Variants in AKAP19 observed in about 807,000 individuals in gnomAD.
AKAP19 encodes the protein small A-kinase anchoring protein.
At chr2:190,143,886 T>C in the AKAP19 span, among the ~76,000 whole-genome samples, 1 of 147,998 alleles carries the variant, frequency 6.8e-6, no homozygotes, top group Non-Finnish European at 1.5e-5. Context: ...ATGGATGAAA[T>C]TGGAAATCAT....
the AKAP19 span, among the ~76,000 whole-genome samples, chr2:190,023,340 A>G: frequency 6.6e-6 from 1 of 152,160 alleles, no homozygotes. Flanking sequence ...TAGGAGAAGC[A>G]TAGTACATCT....
the AKAP19 span, among the ~76,000 whole-genome samples, chr2:190,118,328 A>G: frequency 1.3e-5 from 2 of 152,202 alleles, no homozygotes; most frequent in Admixed American, 6.5e-5. Context: ...AACTATTCCA[A>G]TCAATAGAAA....
At chr2:189,926,825 C>T in the AKAP19 span, among the ~76,000 whole-genome samples, 16 of 151,886 alleles carry the variant, frequency 1.1e-4, no homozygotes, top group Admixed American at 1.1e-3. Flanking sequence ...CCTCATGATG[C>T]GCCCGTCTTG....
At chr2:190,064,916 C>T in the AKAP19 span, among the ~76,000 whole-genome samples, 1 of 152,136 alleles carries the variant, frequency 6.6e-6, no homozygotes, top group African/African-American at 2.4e-5. Context: ...TTTCTGTATT[C>T]ACAAATTTGC....
chr2:190,067,442 A>G, the AKAP19 span, among the ~76,000 whole-genome samples: 1 of 152,148 alleles, frequency 6.6e-6, no homozygotes, highest in African/African-American at 2.4e-5. Context: ...CCCTCCTCCC[A>G]ATACCTGTAG....
chr2:189,916,532 G>A, the AKAP19 span, among the ~76,000 whole-genome samples: 1 of 151,878 alleles, frequency 6.6e-6, no homozygotes, highest in Non-Finnish European at 1.5e-5. Flanking sequence ...ATGTTGGCCA[G>A]GCTTGTCTGG....
At chr2:190,113,843 G>C in the AKAP19 span, among the ~76,000 whole-genome samples, 1 of 152,068 alleles carries the variant, frequency 6.6e-6, no homozygotes, top group African/African-American at 2.4e-5. Context: ...CCCTACCCCT[G>C]TTCCTTGAGA....
At chr2:190,126,058 C>T in the AKAP19 span, among the ~76,000 whole-genome samples, 3 of 151,372 alleles carry the variant, frequency 2.0e-5, no homozygotes, top group African/African-American at 7.3e-5. Context: ...TTTGGGAGGC[C>T]GAGGTGGGCA....
At chr2:189,978,768 A>C in the AKAP19 span, among the ~76,000 whole-genome samples, 14 of 152,268 alleles carry the variant, frequency 9.2e-5, no homozygotes, top group African/African-American at 3.1e-4. Context: ...TCCATGGTGT[A>C]GGATTTCCAT....
At chr2:190,005,656 T>C in the AKAP19 span, among the ~76,000 whole-genome samples, 1 of 152,236 alleles carries the variant, frequency 6.6e-6, no homozygotes, top group African/African-American at 2.4e-5. Context: ...GTGGCATGTT[T>C]CCTATTGGTC....
At chr2:189,913,570 A>G in the AKAP19 span, among the ~76,000 whole-genome samples, 1 of 152,038 alleles carries the variant, frequency 6.6e-6, no homozygotes, top group Non-Finnish European at 1.5e-5. Context: ...TTATTATTAA[A>G]ATATTGGCTT....
At chr2:190,069,184 G>GAC in the AKAP19 span, among the ~76,000 whole-genome samples, 1 of 147,016 alleles carries the variant, frequency 6.8e-6, no homozygotes, top group African/African-American at 2.6e-5. Context: ...GTGAGAGAGA[G>GAC]AGAGAGAGAG....
chr2:189,958,515 C>T, the AKAP19 span, among the ~76,000 whole-genome samples: 417 of 125,634 alleles, frequency 3.3e-3, 2 homozygotes, highest in Non-Finnish European at 5.6e-3. Flanking sequence ...TATATATACA[C>T]ACATAACATA....
chr2:189,930,947 C>A, the AKAP19 span: 9 of 767,936 alleles, frequency 1.2e-5, no homozygotes, highest in South Asian at 8.0e-5. Context: ...CTAGCCCAGT[C>A]GGACTGAGAC....
chr2:190,012,091 A>G, the AKAP19 span, among the ~76,000 whole-genome samples: 1 of 151,904 alleles, frequency 6.6e-6, no homozygotes, highest in East Asian at 1.9e-4. Flanking sequence ...TCATTTTTTT[A>G]TGTCTTCAAT....
the AKAP19 span, among the ~76,000 whole-genome samples, chr2:189,901,458 C>T: frequency 6.6e-6 from 1 of 152,276 alleles, no homozygotes; most frequent in East Asian, 1.9e-4. Context: ...CTGCCTCAGC[C>T]TCCCGAGTAG....
the AKAP19 span, among the ~76,000 whole-genome samples, chr2:189,929,947 T>C: frequency 6.6e-6 from 1 of 152,332 alleles, no homozygotes; most frequent in East Asian, 1.9e-4. Context: ...TTTGCTTATC[T>C]TCAGTACATA....
the AKAP19 span, among the ~76,000 whole-genome samples, chr2:190,108,624 G>A: frequency 2.6e-5 from 4 of 152,146 alleles, no homozygotes; most frequent in South Asian, 4.2e-4. Flanking sequence ...AGTATGAGAA[G>A]GTCTCAAATA....
the AKAP19 span, among the ~76,000 whole-genome samples, chr2:190,186,812 A>C: frequency 1.3e-4 from 20 of 152,254 alleles, no homozygotes; most frequent in African/African-American, 4.8e-4. The surrounding 1 kb of genome is among the most constrained non-coding windows in gnomAD (Gnocchi z 5.5). Flanking sequence ...TGTTACTAGG[A>C]ACTGAGATAT....
Sources: gnomAD v4.1 joint callset for allele counts (sites outside exome capture counted in the v4.1 genomes callset) on GRCh38, gnomAD v4.1.1 for gene constraint, Gnocchi (gnomAD v3.1) non-coding constraint, MANE v1.5 for transcripts, NCBI Gene and HGNC (gene_info 2026-07-23, HGNC 2026-07-21) for gene names.